The following TMEFF2 variants were observed in gnomAD, a reference collection of about 807,000 sequenced individuals.
The protein encoded by TMEFF2 is transmembrane protein with EGF like and two follistatin like domains 2.
Under a neutral mutation model 53.8 loss-of-function variants are expected in TMEFF2, and 28 were observed. The observed-to-expected ratio is 0.52, with a 90% CI of 0.39 to 0.71. The LOEUF (loss-of-function observed/expected upper bound fraction) is 0.71, where lower values mean the gene tolerates loss of function less well. Ranked by LOEUF, TMEFF2 falls within the 30% of genes least tolerant of loss-of-function variation. The pLI is 0.00. For synonymous variants in TMEFF2, 162 were observed against 166.3 expected, an observed-to-expected ratio of 0.97 and a Z score of 0.20; for missense variants, 353 against 455.2, an observed-to-expected ratio of 0.78 and a Z score of 2.04.
intron 4 of TMEFF2, among the ~76,000 whole-genome samples, chr2:192,067,143 G>A (rs1412599679): frequency 6.6e-6 from 1 of 151,860 alleles, no homozygotes; most frequent in Non-Finnish European, 1.5e-5. Context: ...GGATAAAAAT[G>A]TAGGGTCAAG....
At chr2:192,054,587 G>T (rs558033752) in intron 5 of TMEFF2, among the ~76,000 whole-genome samples, 3 of 152,186 alleles carry the variant, frequency 2.0e-5, no homozygotes, top group East Asian at 1.9e-4. Context: ...CCCCCTGCTT[G>T]CCTGGATGTT....
chr2:192,148,431 G>C (rs976231753), intron 4 of TMEFF2, among the ~76,000 whole-genome samples: 1 of 151,964 alleles, frequency 6.6e-6, no homozygotes, highest in African/African-American at 2.4e-5. Flanking sequence ...CCCTAGGTTT[G>C]CATTCCTCTT....
At chr2:192,063,339 TG>T (rs959200365) in intron 4 of TMEFF2, among the ~76,000 whole-genome samples, 2 of 151,936 alleles carry the variant, frequency 1.3e-5, no homozygotes, top group Admixed American at 6.6e-5. Context: ...TCCAAATCTT[TG>T]GGGGGTTTTC....
intron 7 of TMEFF2, among the ~76,000 whole-genome samples, chr2:191,991,212 C>G (rs1171700898): frequency 6.6e-6 from 1 of 151,940 alleles, no homozygotes; most frequent in Non-Finnish European, 1.5e-5. Context: ...AAAAAGTCAG[C>G]CAAGGTCTCT....
intron 4 of TMEFF2, among the ~76,000 whole-genome samples, chr2:192,072,181 T>C (rs1273599759): frequency 6.6e-6 from 1 of 151,920 alleles, no homozygotes; most frequent in Non-Finnish European, 1.5e-5. Context: ...TGTTGGAACA[T>C]TTAGAACAAT....
chr2:192,151,658 G>T (rs1013392132), intron 4 of TMEFF2, among the ~76,000 whole-genome samples: 2 of 151,852 alleles, frequency 1.3e-5, no homozygotes, highest in African/African-American at 4.8e-5. Flanking sequence ...AGGAACCAGA[G>T]AAGTAAATTG....
At chr2:192,172,536 C>T (rs958715110) in intron 4 of TMEFF2, among the ~76,000 whole-genome samples, 11 of 151,846 alleles carry the variant, frequency 7.2e-5, no homozygotes, top group African/African-American at 1.5e-4. Flanking sequence ...CACAACTATC[C>T]TATATATATT....
chr2:191,994,651 C>T (rs1686181383), intron 7 of TMEFF2, among the ~76,000 whole-genome samples: 1 of 151,860 alleles, frequency 6.6e-6, no homozygotes, highest in African/African-American at 2.4e-5. Context: ...TATTTAAAAA[C>T]TTCCCAAAGG....
At chr2:192,100,308 A>G (rs1689004934) in intron 4 of TMEFF2, among the ~76,000 whole-genome samples, 1 of 152,176 alleles carries the variant, frequency 6.6e-6, no homozygotes, top group African/African-American at 2.4e-5. Flanking sequence ...TTGTCCAGAA[A>G]GCCTTGCCTC....
chr2:192,079,754 G>T (rs1354377833), intron 4 of TMEFF2, among the ~76,000 whole-genome samples: 2 of 152,206 alleles, frequency 1.3e-5, no homozygotes, highest in South Asian at 2.1e-4. Flanking sequence ...GGCTTTTTAA[G>T]ATCTAAAATA....
chr2:192,151,208 G>A (rs1574417301), intron 4 of TMEFF2, among the ~76,000 whole-genome samples: 1 of 151,866 alleles, frequency 6.6e-6, no homozygotes, highest in African/African-American at 2.4e-5. Flanking sequence ...ATGAGGAACT[G>A]TGAGTTAATT....
chr2:191,963,724 T>C (rs1692335618), intron 7 of TMEFF2, among the ~76,000 whole-genome samples: 1 of 152,236 alleles, frequency 6.6e-6, no homozygotes, highest in Non-Finnish European at 1.5e-5. Flanking sequence ...CTATGTGTTG[T>C]GTATCCATAC....
chr2:191,995,550 T>A (rs561462816), intron 7 of TMEFF2, among the ~76,000 whole-genome samples: 66 of 152,116 alleles, frequency 4.3e-4, no homozygotes, highest in Admixed American at 8.5e-4. Flanking sequence ...GAAATAGTAA[T>A]TAAGAGGACA....
chr2:192,101,874 G>T (rs1376901711), intron 4 of TMEFF2, among the ~76,000 whole-genome samples: 1 of 152,274 alleles, frequency 6.6e-6, no homozygotes, highest in East Asian at 1.9e-4. Context: ...CAAGTATGAT[G>T]TTAACTCCGG....
intron 4 of TMEFF2, among the ~76,000 whole-genome samples, chr2:192,118,058 T>TA (rs35511992): frequency 0.34 from 50,360 of 148,450 alleles, 9,879 homozygotes; most frequent in Non-Finnish European, 0.46. Context: ...TTCCATTAAT[T>TA]AAAAAAAAAA....
intron 2 of TMEFF2, among the ~76,000 whole-genome samples, chr2:192,185,000 A>G (rs1009838506): frequency 2.0e-5 from 3 of 151,998 alleles, no homozygotes; most frequent in Non-Finnish European, 4.4e-5. Context: ...TAAATTTCCA[A>G]ATAGTCAGAT....
At chr2:192,068,558 G>T (rs1020764613) in intron 4 of TMEFF2, among the ~76,000 whole-genome samples, 1 of 151,814 alleles carries the variant, frequency 6.6e-6, no homozygotes, top group Admixed American at 6.6e-5. Flanking sequence ...TTCAGAAATT[G>T]CCCGGAGCTC....
chr2:192,061,317 A>T (rs776614635), intron 4 of TMEFF2, among the ~76,000 whole-genome samples: 5 of 152,196 alleles, frequency 3.3e-5, no homozygotes, highest in Non-Finnish European at 5.9e-5. Flanking sequence ...CTGGTTCCCC[A>T]TTCACAAATT....
chr2:192,097,768 T>C (rs1332580457), intron 4 of TMEFF2, among the ~76,000 whole-genome samples: 1 of 152,178 alleles, frequency 6.6e-6, no homozygotes, highest in Non-Finnish European at 1.5e-5. Flanking sequence ...TACAGATATA[T>C]CACTGAAGAG....
Sources: gnomAD v4.1 joint callset for allele counts (sites outside exome capture counted in the v4.1 genomes callset) on GRCh38, gnomAD v4.1.1 for gene constraint, MANE v1.5 for transcripts, NCBI Gene and HGNC (gene_info 2026-07-23, HGNC 2026-07-21) for gene names.